EPHA3: variants seen among roughly 807,000 people sequenced by gnomAD.
The protein encoded by EPHA3 is ephrin type-A receptor 3.
Under a neutral mutation model 107.1 loss-of-function variants are expected in EPHA3, and 42 were observed. The observed-to-expected ratio is 0.39, with a 90% CI of 0.31 to 0.51. EPHA3 has a LOEUF of 0.51. EPHA3 is among the 20% of genes least tolerant of loss of function. The pLI is 0.78. For synonymous variants in EPHA3, 461 were observed against 424.8 expected (o/e 1.09, Z -1.05); for missense variants, 1,183 against 1,211.2 (o/e 0.98, Z 0.35).
At chr3:89,142,458 T>C (rs1704452525) in intron 2 of EPHA3, among the ~76,000 whole-genome samples, 1 of 151,424 alleles carries the variant, frequency 6.6e-6, no homozygotes, top group Non-Finnish European at 1.5e-5. Flanking sequence ...TTTGTGGCCA[T>C]AGGCCTGCTT....
chr3:89,439,936 T>C (rs971951083), intron 13 of EPHA3, among the ~76,000 whole-genome samples: 1 of 152,184 alleles, frequency 6.6e-6, no homozygotes. Flanking sequence ...ATTTGGAATA[T>C]GGAGATTTTC....
chr3:89,107,688 C>A lies in EPHA3; in HGVS notation c.-61C>A, dbSNP rs779511202. On this transcript the variant is annotated 5_prime_UTR_variant, in exon 1 of 17. Coordinates refer to ENST00000336596, the MANE Select transcript of EPHA3 (RefSeq NM_005233.6). Reference sequence around the variant, plus strand: ...TTCTCCAGCAATCAGAGCGCTCCCCCTCACATCAGTGGCATGCTTCATGGA... The same window carrying A: ...TTCTCCAGCAATCAGAGCGCTCCCCATCACATCAGTGGCATGCTTCATGGA... 60 of 1,490,392 alleles carry A rather than the reference C, an allele frequency of 4.0e-5. No individual in the cohort carries two copies. Among genetic ancestry groups the A allele is most frequent in the Admixed American group, 5.1e-5 (3 of 59,354 alleles). The allele number at this position is 1,490,392 out of a possible 1,614,324, so 92.3% of individuals were successfully genotyped here. A position where few individuals can be genotyped will look rare whatever the true frequency, so the allele number is the denominator to read the frequency against.
At chr3:89,313,748 A>C (rs930957001) in intron 3 of EPHA3, among the ~76,000 whole-genome samples, 5 of 151,950 alleles carry the variant, frequency 3.3e-5, no homozygotes, top group Non-Finnish European at 7.4e-5. Flanking sequence ...GAAAAGAGAT[A>C]TATTAGTGAA....
Position 89,107,703 on chromosome 3 carries a change from T to A in EPHA3, c.-46T>A. 1 of 1,550,124 alleles carries A rather than the reference T, an allele frequency of 6.5e-7. No homozygotes were observed. Among genetic ancestry groups the A allele is most frequent in the Non-Finnish European group, 8.9e-7 (1 of 1,122,442 alleles). On this transcript the variant is annotated 5_prime_UTR_variant, in exon 1 of 17. An upstream start codon of the reference 5' UTR is lost. Transcript: ENST00000336596. ...AGCGCTCCCCCTCACATCAGTGGCA[T>A]GCTTCATGGAGATATGCTCCTCTCA... is the stretch of plus-strand genomic sequence containing the variant.
intron 5 of EPHA3, among the ~76,000 whole-genome samples, chr3:89,372,957 T>C (rs1708336696): frequency 6.6e-6 from 1 of 151,806 alleles, no homozygotes; most frequent in South Asian, 2.1e-4. Flanking sequence ...TTTGATCAAA[T>C]ACATATATCT....
chr3:89,186,685 C>T (rs1705575944), intron 2 of EPHA3, among the ~76,000 whole-genome samples: 1 of 152,104 alleles, frequency 6.6e-6, no homozygotes, highest in African/African-American at 2.4e-5. Flanking sequence ...ATACAGCCAG[C>T]TGGTGCTTTT....
intron 5 of EPHA3, among the ~76,000 whole-genome samples, chr3:89,372,440 A>G (rs1708326282): frequency 6.6e-6 from 1 of 151,626 alleles, no homozygotes; most frequent in African/African-American, 2.4e-5. Context: ...CATATATAGC[A>G]CAGACTTTTT....
chr3:89,369,572 T>A (rs1297214743), intron 5 of EPHA3, among the ~76,000 whole-genome samples: 2 of 149,536 alleles, frequency 1.3e-5, no homozygotes, highest in Non-Finnish European at 3.0e-5. Flanking sequence ...AACCTAGGCA[T>A]TACCATTCAG....
chr3:89,304,546 A>G (rs1706566132), intron 3 of EPHA3, among the ~76,000 whole-genome samples: 1 of 152,060 alleles, frequency 6.6e-6, no homozygotes. Flanking sequence ...TCACTAGGCC[A>G]GGAACAGTCT....
chr3:89,338,275 G>C (rs1435371086), intron 3 of EPHA3, among the ~76,000 whole-genome samples: 1 of 152,108 alleles, frequency 6.6e-6, no homozygotes, highest in Non-Finnish European at 1.5e-5. Context: ...GTAACAGTTT[G>C]TATTTTTCAT....
chr3:89,328,415 C>T (rs535637209), intron 3 of EPHA3, among the ~76,000 whole-genome samples: 1 of 152,138 alleles, frequency 6.6e-6, no homozygotes, highest in Non-Finnish European at 1.5e-5. Flanking sequence ...GACTAGACCT[C>T]TAAGATATTG....
At chr3:89,473,750 T>C (rs1232344122) in intron 16 of EPHA3, among the ~76,000 whole-genome samples, 1 of 152,172 alleles carries the variant, frequency 6.6e-6, no homozygotes, top group African/African-American at 2.4e-5. Flanking sequence ...TGTTTACTAG[T>C]ATCTAGTCAT....
intron 15 of EPHA3, among the ~76,000 whole-genome samples, chr3:89,457,468 G>A (rs1309670745): frequency 6.6e-6 from 1 of 152,186 alleles, no homozygotes; most frequent in Admixed American, 6.5e-5. Flanking sequence ...CACACGAGGA[G>A]TCTAGGTTAT....
At chr3:89,409,727 T>C (rs1709121997) in intron 9 of EPHA3, among the ~76,000 whole-genome samples, 1 of 152,088 alleles carries the variant, frequency 6.6e-6, no homozygotes, top group African/African-American at 2.4e-5. Context: ...ACCTTTTATT[T>C]GGTATTACTT....
intron 12 of EPHA3, 80 bp from the exon 13 acceptor site, chr3:89,431,070 T>C (rs1437584069): frequency 2.0e-5 from 29 of 1,415,516 alleles, no homozygotes; most frequent in Non-Finnish European, 2.4e-5. Flanking sequence ...CAAAATTCAA[T>C]ATGTGAGATT....
chr3:89,361,245 G>A (rs76593752), intron 5 of EPHA3, among the ~76,000 whole-genome samples: 11 of 151,002 alleles, frequency 7.3e-5, no homozygotes, highest in Admixed American at 2.0e-4. Context: ...AAAGACCTAT[G>A]AATTCCTAAT....
intron 1 of EPHA3, among the ~76,000 whole-genome samples, chr3:89,119,389 C>T (rs1260082922): frequency 6.6e-6 from 1 of 152,094 alleles, no homozygotes; most frequent in African/African-American, 2.4e-5. Context: ...AGTTTTCTGA[C>T]TATTCCAGTG....
In EPHA3 at chr3:89,165,597, T is replaced by C. The variant is rs185875240; in HGVS notation, c.153+38324T>C. 3.5e-3 allele frequency among the ~76,000 whole-genome samples: 538 copies of C among 152,324 alleles called. 1 individual carries two copies. Among genetic ancestry groups the C allele is most frequent in the Middle Eastern group, 0.027 (8 of 294 alleles). On this transcript the variant is annotated intron_variant, in intron 2 of 16. Transcript: ENST00000336596. Reference sequence around the variant, plus strand: ...GATCCATTCAAAAATGCAAGTCTTATGTTAATTCTCTGCTTAATTTTTAAT... The same window carrying C: ...GATCCATTCAAAAATGCAAGTCTTACGTTAATTCTCTGCTTAATTTTTAAT...
At position 89,417,222 on chromosome 3, in the gene EPHA3, A is replaced by G. The variant is rs1437723453; in HGVS notation, c.1889-1983A>G. Among the ~76,000 whole-genome samples the G allele has an allele frequency of 2.0e-5, 3 of 151,610 alleles. No homozygotes were observed. In the East Asian group the frequency reaches 5.8e-4, roughly 30 times the overall value. On this transcript the variant is annotated intron_variant, in intron 10 of 16. Coordinates refer to ENST00000336596, the MANE Select transcript of EPHA3 (RefSeq NM_005233.6). ...CCCATAGAGATAGGAAAAGATAGGT[A>G]CAGAGAGGTTAAGTTACTTAAAATC...
Sources: gnomAD v4.1 joint callset for allele counts (sites outside exome capture counted in the v4.1 genomes callset) on GRCh38, gnomAD v4.1.1 for gene constraint, MANE v1.5 for transcripts, NCBI Gene and HGNC (gene_info 2026-07-23, HGNC 2026-07-21) for gene names.